Variants in RBFOX1 observed in about 807,000 individuals in gnomAD.
The protein encoded by RBFOX1 is RNA binding fox-1 homolog 1.
RBFOX1 carries 8 observed loss-of-function variants against 57.7 expected under a neutral mutation model. The observed-to-expected ratio is 0.14, with a 90% CI of 0.08 to 0.25. The LOEUF (loss-of-function observed/expected upper bound fraction) is 0.25. Among genes scored for constraint, RBFOX1 ranks in the 10% least tolerant of loss-of-function variants. RBFOX1 has a pLI of 1.00. For missense variants in RBFOX1, 611 were observed against 548.5 expected, an observed-to-expected ratio of 1.11 and a Z score of -1.14; for synonymous variants, 326 against 222.4, an observed-to-expected ratio of 1.47 and a Z score of -4.15.
chr16:6,926,938 A>G (rs2075698148), intron 3 of RBFOX1, among the ~76,000 whole-genome samples: 1 of 152,270 alleles, frequency 6.6e-6, no homozygotes, highest in East Asian at 1.9e-4. Flanking sequence ...CACTGCTGGA[A>G]TGCAGTTGCT....
intron 2 of RBFOX1, among the ~76,000 whole-genome samples, chr16:5,511,693 C>T (rs1207958510): frequency 1.3e-5 from 2 of 152,290 alleles, no homozygotes; most frequent in African/African-American, 4.8e-5. Context: ...CAGAGTTGCA[C>T]ACCTAGTGAG....
intron 3 of RBFOX1, among the ~76,000 whole-genome samples, chr16:6,852,842 T>G: frequency 6.6e-6 from 1 of 150,510 alleles, no homozygotes; most frequent in East Asian, 2.0e-4. Context: ...CCAGGTGAGG[T>G]GCATGCTGGG....
intron 3 of RBFOX1, among the ~76,000 whole-genome samples, chr16:6,780,244 CATATATATTTAT>C (rs1260075494): frequency 2.6e-5 from 1 of 38,834 alleles, no homozygotes; most frequent in Non-Finnish European, 4.2e-5. Context: ...TATATATTTA[CATATATATTTAT>C]ATATATATTT....
At chr16:5,581,238 G>A (rs1382556435) in intron 2 of RBFOX1, among the ~76,000 whole-genome samples, 1 of 152,158 alleles carries the variant, frequency 6.6e-6, no homozygotes, top group African/African-American at 2.4e-5. Flanking sequence ...AGTTCAGACC[G>A]AGTATTTTGT....
At chr16:5,271,419 G>T (rs1298652357) in intron 1 of RBFOX1, among the ~76,000 whole-genome samples, 1 of 152,198 alleles carries the variant, frequency 6.6e-6, no homozygotes, top group African/African-American at 2.4e-5. Flanking sequence ...CGGTGATTCC[G>T]ACTCAGTAGG....
At chr16:5,699,994 G>C (rs559233430) in intron 3 of RBFOX1, among the ~76,000 whole-genome samples, 2 of 152,070 alleles carry the variant, frequency 1.3e-5, no homozygotes, top group East Asian at 3.9e-4. Context: ...CACCACGCCC[G>C]GCTAATTTTT....
rs138722872 is a variant in RBFOX1, at chr16:5,411,723, G to T, written c.220-55493G>T. On this transcript the variant is annotated intron_variant, in intron 1 of 2. Coordinates refer to the RBFOX1 transcript ENST00000585867. ...GAGACCAGCCTGGGCAACATGGAAA[G>T]ACCCCATCTGTACAAAAAAAAAATT... is the stretch of plus-strand genomic sequence containing the variant. Among the ~76,000 whole-genome samples the T allele has an allele frequency of 4.7e-3, 710 of 151,588 alleles. 3 individuals carry two copies. Among genetic ancestry groups the T allele is most frequent in the African/African-American group, 0.016 (674 of 41,252 alleles).
intron 8 of RBFOX1, 139 bp downstream of exon 8, chr16:7,595,780 A>T (rs867626611): frequency 1.5e-5 from 5 of 343,384 alleles, no homozygotes; most frequent in Non-Finnish European, 2.3e-5. Flanking sequence ...ATATATTTTT[A>T]TATATAAAAA....
intron 4 of RBFOX1, among the ~76,000 whole-genome samples, chr16:7,363,387 C>A (rs1331688212): frequency 1.3e-5 from 2 of 152,116 alleles, no homozygotes; most frequent in Non-Finnish European, 2.9e-5. Flanking sequence ...AAGCCAATTG[C>A]ATTACCTTGC....
intron 4 of RBFOX1, among the ~76,000 whole-genome samples, chr16:7,395,700 C>T (rs1235275656): frequency 6.6e-6 from 1 of 152,290 alleles, no homozygotes; most frequent in East Asian, 1.9e-4. Context: ...TATAGACTTG[C>T]AAATGCTCTA....
rs78166347 is a variant in RBFOX1 at position 5,796,538 on chromosome 16, G to C, written c.319-70765G>C. 5.5e-3 allele frequency among the ~76,000 whole-genome samples: 819 copies of C among 148,982 alleles called. 7 individuals carry two copies. The highest frequency in any genetic ancestry group is 0.038 in the South Asian group (177 of 4,612). On this transcript the variant is annotated intron_variant, in intron 3 of 19. Coordinates refer to the RBFOX1 transcript ENST00000641259. ...TGAGCTGGATCCCAGGGATGAAGCA[G>C]GGCTGTATCAGATGGTGTCTCCACA...
intron 3 of RBFOX1, among the ~76,000 whole-genome samples, chr16:5,631,186 G>A (rs1031464614): frequency 2.6e-5 from 4 of 152,192 alleles, no homozygotes; most frequent in Non-Finnish European, 5.9e-5. Flanking sequence ...AAGGTGATGA[G>A]GTTGATGATG....
chr16:5,630,103 T>C (rs12448037), intron 3 of RBFOX1, among the ~76,000 whole-genome samples: 119,528 of 152,118 alleles, frequency 0.79, 47,719 homozygotes, highest in Non-Finnish European at 0.87. Flanking sequence ...CAAAAGTCAT[T>C]TGAGGCTCAG....
At chr16:6,963,977 C>T (rs1219895774) in intron 3 of RBFOX1, among the ~76,000 whole-genome samples, 1 of 151,670 alleles carries the variant, frequency 6.6e-6, no homozygotes, top group Non-Finnish European at 1.5e-5. Flanking sequence ...GGATTACAGG[C>T]GTGAGCCACT....
chr16:6,206,618 A>G (rs898421745), intron 1 of RBFOX1, among the ~76,000 whole-genome samples: 1 of 152,092 alleles, frequency 6.6e-6, no homozygotes, highest in African/African-American at 2.4e-5. Context: ...TTCCACCACA[A>G]TACATTTTTT....
At chr16:6,160,964 G>A (rs1166157116) in intron 1 of RBFOX1, among the ~76,000 whole-genome samples, 1 of 152,138 alleles carries the variant, frequency 6.6e-6, no homozygotes, top group Admixed American at 6.6e-5. Context: ...GTTCATTTGT[G>A]TTCTATCTCT....
intron 4 of RBFOX1, among the ~76,000 whole-genome samples, chr16:7,053,997 C>T (rs983542196): frequency 6.6e-6 from 1 of 151,926 alleles, no homozygotes; most frequent in Non-Finnish European, 1.5e-5. Context: ...GTGACTTAGG[C>T]GTCTAGTTCC....
intron 4 of RBFOX1, among the ~76,000 whole-genome samples, chr16:5,894,790 G>C (rs889566870): frequency 4.6e-5 from 7 of 152,118 alleles, no homozygotes; most frequent in Non-Finnish European, 1.0e-4. Flanking sequence ...GGGAGGCCGA[G>C]GCAGGCGGAT....
chr16:5,262,863 G>C (rs61095851), intron 1 of RBFOX1, among the ~76,000 whole-genome samples: 3,106 of 152,258 alleles, frequency 0.02, 107 homozygotes, highest in African/African-American at 0.07. Flanking sequence ...AGGAGAATGT[G>C]AAAAGAAAAA....
Sources: allele counts gnomAD v4.1 joint callset (sites outside exome capture counted in the v4.1 genomes callset), GRCh38; gene constraint gnomAD v4.1.1; transcripts MANE v1.5; gene names NCBI Gene and HGNC (gene_info 2026-07-23, HGNC 2026-07-21).